Variants in CADM4 observed in about 807,000 individuals in gnomAD.
The protein encoded by CADM4 is cell adhesion molecule 4.
In CADM4, 13 loss-of-function variants were observed where a neutral mutation model predicts 43.9. That is an observed-to-expected ratio of 0.30 (90% CI 0.19 to 0.47). The LOEUF (loss-of-function observed/expected upper bound fraction) is 0.47. Ranked by LOEUF, CADM4 falls within the 20% of genes least tolerant of loss-of-function variation. The pLI is 1.00. For synonymous variants in CADM4, 209 were observed against 220.9 expected (o/e 0.95, Z 0.48); for missense variants, 420 against 527.0 (o/e 0.80, Z 1.99).
Position 43,626,415 on chromosome 19 carries a change from C to T in CADM4, c.500-127G>A, listed in dbSNP as rs1973529421. 8.4e-7 allele frequency: 1 copy of T among 1,184,618 alleles called. No homozygotes were observed. The highest frequency in any genetic ancestry group is 1.2e-6 in the Non-Finnish European group (1 of 845,696). The allele number at this position is 1,184,618 out of a possible 1,614,324, so 73.4% of individuals were successfully genotyped here. A position where few individuals can be genotyped will look rare whatever the true frequency, so the allele number is the denominator to read the frequency against. Reference sequence around the variant, plus strand: ...TTACCCACAGGCCCCGCCTCTTGTCCTCCAAGCTACGCCCCTCCCCTAACC... The same window carrying T: ...TTACCCACAGGCCCCGCCTCTTGTCTTCCAAGCTACGCCCCTCCCCTAACC... On this transcript the variant is annotated intron_variant, in intron 4 of 8. Coordinates refer to ENST00000222374, the MANE Select transcript of CADM4 (RefSeq NM_145296.2). The surrounding 1 kb of genome is among the most constrained non-coding windows in gnomAD (Gnocchi z 5.9).
upstream of CADM4, among the ~76,000 whole-genome samples, chr19:43,641,000 G>C (rs529397764): frequency 1.8e-5 from 2 of 113,214 alleles, no homozygotes; most frequent in African/African-American, 3.5e-5. Flanking sequence ...ACGGAGTCTC[G>C]CTCTGTTGCC....
rs1037917782 is a variant in CADM4 at position 43,625,757 on chromosome 19, T to C, written c.755+154A>G. Among the ~76,000 whole-genome samples, 1 of 151,784 alleles carries C rather than the reference T, an allele frequency of 6.6e-6. No homozygotes were observed. The highest frequency in any genetic ancestry group is 1.5e-5 in the Non-Finnish European group (1 of 67,932). ...TTCGTCCAGGTCCCCAGCTCTCTCC[T>C]CCTCAGGACCCAGGAATCCAGGTCC... On this transcript the variant is annotated intron_variant, in intron 6 of 8. Transcript: ENST00000222374. The surrounding 1 kb of genome is among the most constrained non-coding windows in gnomAD (Gnocchi z 4.5).
chr19:43,639,860 G>A (rs1973753341), upstream of CADM4: 5 of 964,054 alleles, frequency 5.2e-6, no homozygotes, highest in South Asian at 2.4e-4. Context: ...CGCCCGCCCC[G>A]CCCCCCGCGC....
Position 43,623,086 on chromosome 19 carries a change from TGGG to T in CADM4, c.*241_*243del. 2.2e-6 allele frequency: 1 copy of T among 461,766 alleles called. No homozygotes were observed. Among genetic ancestry groups the T allele is most frequent in the Non-Finnish European group, 4.0e-6 (1 of 252,704 alleles). 28.6% of individuals were successfully genotyped at this position (461,766 alleles called of 1,614,324 possible). On this transcript the variant is annotated 3_prime_UTR_variant, in exon 9 of 9. Coordinates refer to ENST00000222374, the MANE Select transcript of CADM4 (RefSeq NM_145296.2). This position sits in a 1 kb window ranked among gnomAD's most constrained non-coding sequence, Gnocchi z 4.4. ...CAATCCCTACTGCCCTCACTGGACT[TGGG>T]GGGTCTGGACCTTTGGCCCCTGCCC... is the stretch of plus-strand genomic sequence containing the variant.
intron 1 of CADM4, among the ~76,000 whole-genome samples, chr19:43,629,262 C>T (rs1973580797): frequency 1.3e-5 from 2 of 152,176 alleles, no homozygotes; most frequent in Non-Finnish European, 2.9e-5. Flanking sequence ...GGGTCTCTAA[C>T]TGACTGTCCC....
In CADM4 at chr19:43,624,105, C is replaced by A; in HGVS notation, c.1057+9G>T. ...ACCAACCGTAGAGTCCAGGCCCCGT[C>A]CCACTCACCCTTCTGCCGTACCGAG... On this transcript the variant is annotated intron_variant, in intron 8 of 8. Coordinates refer to ENST00000222374, the MANE Select transcript of CADM4 (RefSeq NM_145296.2). The A allele has an allele frequency of 6.2e-7, 1 of 1,614,172 alleles. No homozygotes were observed. Among genetic ancestry groups the A allele is most frequent in the Non-Finnish European group, 8.5e-7 (1 of 1,180,004 alleles).
chr19:43,639,905 G>A (rs1600104507), upstream of CADM4: 1 of 809,144 alleles, frequency 1.2e-6, no homozygotes, highest in Non-Finnish European at 1.5e-6. Context: ...GGGGCGCCGA[G>A]GCCGGGGCGG....
At chr19:43,638,307 A>G (rs760364077) in intron 1 of CADM4, among the ~76,000 whole-genome samples, 19 of 152,158 alleles carry the variant, frequency 1.2e-4, no homozygotes, top group Non-Finnish European at 2.4e-4. Flanking sequence ...CAACATCCTC[A>G]CTTTACAGAA....
At chr19:43,635,823 A>AG (rs1292509343) in intron 1 of CADM4, among the ~76,000 whole-genome samples, 19 of 107,574 alleles carry the variant, frequency 1.8e-4, no homozygotes, top group Non-Finnish European at 2.4e-4. Flanking sequence ...CTAAGACCCC[A>AG]GCCCCTCCTC....
chr19:43,635,659 G>T (rs1973692077), intron 1 of CADM4, among the ~76,000 whole-genome samples: 1 of 149,902 alleles, frequency 6.7e-6, no homozygotes, highest in African/African-American at 2.5e-5. Flanking sequence ...AAACTCAGGA[G>T]TCTAAGATCC....
At position 43,627,257 on chromosome 19, in the gene CADM4, G is replaced by A. The variant is rs1973544438; in HGVS notation, c.273C>T (p.Leu91=). The part of the protein sequence containing the change: ...EFSPRRVRIR[L]SDARLEDEGG... Reference sequence around the variant, plus strand: ...CCTCGTCCTCCAGGCGGGCATCTGAGAGCCGGATCCGCACCCGGCGTGGGG... The same window carrying A: ...CCTCGTCCTCCAGGCGGGCATCTGAAAGCCGGATCCGCACCCGGCGTGGGG... The change falls in exon 3 of 9, where the codon CTC becomes CTT. Residue 91 remains leucine (L), a synonymous_variant. Transcript: ENST00000222374. This position sits in a 1 kb window ranked among gnomAD's most constrained non-coding sequence, Gnocchi z 4.0. The A allele has an allele frequency of 1.2e-6, 2 of 1,612,770 alleles. No individual in the cohort carries two copies. Among genetic ancestry groups the A allele is most frequent in the Non-Finnish European group, 1.7e-6 (2 of 1,179,334 alleles).
At chr19:43,635,063 C>T (rs1183804849) in intron 1 of CADM4, among the ~76,000 whole-genome samples, 1 of 151,992 alleles carries the variant, frequency 6.6e-6, no homozygotes, top group Non-Finnish European at 1.5e-5. Context: ...GCCTCCAGCC[C>T]CCTCCTCCTT....
Position 43,626,172 on chromosome 19 carries a change from G to A in CADM4, c.616C>T (p.Leu206=). ...GTCTGCTTGCTGTGTCCGGAGGGCA[G>A]CGCCTGGTTCTGCGCCTCACAGATG... ...IIICEAQNQA[L]PSGHSKQTQY... is the part of the protein sequence containing the mutation. Residue 206 remains leucine (L), a synonymous_variant, in exon 5 of 9, where the codon CTG becomes TTG. Transcript: ENST00000222374. This position sits in a 1 kb window ranked among gnomAD's most constrained non-coding sequence, Gnocchi z 5.9. 1 of 1,613,982 alleles carries A rather than the reference G, an allele frequency of 6.2e-7. No homozygotes were observed. Among genetic ancestry groups the A allele is most frequent in the Non-Finnish European group, 8.5e-7 (1 of 1,179,990 alleles).
Position 43,625,851 on chromosome 19 carries a change from C to G in CADM4, c.755+60G>C, listed in dbSNP as rs571693720. On this transcript the variant is annotated intron_variant, in intron 6 of 8. Coordinates refer to ENST00000222374, the MANE Select transcript of CADM4 (RefSeq NM_145296.2). The surrounding 1 kb of genome is among the most constrained non-coding windows in gnomAD (Gnocchi z 4.5). The stretch of plus-strand genomic sequence containing the variant: ...ACCCAGGAGTCCAAGTCCCTGGTCC[C>G]TGTTCTTCCAGGTCCCCAGCTTTCT... The G allele has an allele frequency of 6.9e-7, 1 of 1,438,874 alleles. No individual in the cohort carries two copies. 89.1% of individuals were successfully genotyped at this position (1,438,874 alleles called of 1,614,324 possible). A position where few individuals can be genotyped will look rare whatever the true frequency, so the allele number is the denominator to read the frequency against.
intron 1 of CADM4, among the ~76,000 whole-genome samples, chr19:43,629,291 G>C (rs1371591376): frequency 2.0e-5 from 3 of 152,138 alleles, no homozygotes; most frequent in East Asian, 3.9e-4. Context: ...CGCCTGTATA[G>C]GACTGTGATA....
chr19:43,639,831 G>C lies in CADM4; in HGVS notation c.-41C>G. 1.0e-6 allele frequency: 1 copy of C among 978,226 alleles called. No individual in the cohort carries two copies. The highest frequency in any genetic ancestry group is 1.2e-6 in the Non-Finnish European group (1 of 827,324). The allele number at this position is 978,226 out of a possible 1,614,324, so 60.6% of individuals were successfully genotyped here. ...GCCGCCGCCGCTCGCTCCCGGCCCG[G>C]CACCTGCACCGCCCGCGCCGCCCGC... On this transcript the variant is annotated 5_prime_UTR_variant, in exon 1 of 9. Coordinates refer to ENST00000222374, the MANE Select transcript of CADM4 (RefSeq NM_145296.2).
intron 1 of CADM4, among the ~76,000 whole-genome samples, chr19:43,629,567 T>C (rs965836613): frequency 6.6e-6 from 1 of 152,178 alleles, no homozygotes; most frequent in Non-Finnish European, 1.5e-5. Flanking sequence ...ATTACCCATA[T>C]AACTTACCTT....
At chr19:43,637,107 G>T (rs1419275940) in intron 1 of CADM4, among the ~76,000 whole-genome samples, 1 of 152,040 alleles carries the variant, frequency 6.6e-6, no homozygotes, top group Non-Finnish European at 1.5e-5. Flanking sequence ...CCTCCCTCTT[G>T]CTTTCTCTCC....
upstream of CADM4, among the ~76,000 whole-genome samples, chr19:43,640,181 G>T (rs532040112): frequency 2.0e-5 from 3 of 151,356 alleles, no homozygotes; most frequent in Admixed American, 2.0e-4. Context: ...GGGTGCTTGC[G>T]CTGCGCGGAG....
Sources: allele counts gnomAD v4.1 joint callset (sites outside exome capture counted in the v4.1 genomes callset), GRCh38; gene constraint gnomAD v4.1.1; non-coding constraint Gnocchi (gnomAD v3.1); transcripts MANE v1.5; gene names NCBI Gene and HGNC (gene_info 2026-07-23, HGNC 2026-07-21).